The following HAS3 variants were observed in gnomAD, a reference collection of about 807,000 sequenced individuals.
The protein encoded by HAS3 is HA synthase 3.
HAS3 carries 27 observed loss-of-function variants against 50.3 expected under a neutral mutation model. The observed-to-expected ratio is 0.54, with a 90% CI of 0.40 to 0.74. The LOEUF is 0.74. Among genes scored for constraint, HAS3 ranks in the 30% least tolerant of loss-of-function variants. HAS3 has a pLI of 0.00. For missense variants in HAS3, 517 were observed against 742.8 expected (o/e 0.70, Z 3.53); for synonymous variants, 339 against 310.9 (o/e 1.09, Z -0.95).
chr16:69,092,635 G>A, the HAS3 span, among the ~76,000 whole-genome samples: 2 of 148,462 alleles, frequency 1.3e-5, no homozygotes, highest in Non-Finnish European at 3.0e-5. Context: ...TTCCCTGCTT[G>A]TTTAAATGGA....
chr16:69,096,060 C>G, the HAS3 span, among the ~76,000 whole-genome samples: 1 of 146,882 alleles, frequency 6.8e-6, no homozygotes, highest in Non-Finnish European at 1.5e-5. Context: ...ACTAAAAATA[C>G]AAAAAATTAG....
Position 69,115,442 on chromosome 16 carries a change from A to C in HAS3, c.*176A>C, listed in dbSNP as rs924992575. ...GTAGTATGGCCTGACAGCTCTGTTT[A>C]GAGGAGGCAACACTGATCCCCCAGA... On this transcript the variant is annotated 3_prime_UTR_variant, in exon 4 of 4. Transcript: ENST00000569188. 1 of 1,333,970 alleles carries C rather than the reference A, an allele frequency of 7.5e-7. No individual in the cohort carries two copies. The highest frequency in any genetic ancestry group is 1.5e-5 in the African/African-American group (1 of 67,948). 82.6% of individuals were successfully genotyped at this position (1,333,970 alleles called of 1,614,324 possible).
chr16:69,103,561 A>G (rs1394355026), upstream of HAS3, among the ~76,000 whole-genome samples: 8 of 151,826 alleles, frequency 5.3e-5, no homozygotes, highest in Admixed American at 5.2e-4. Flanking sequence ...ACACCTGGAT[A>G]ATTTTTTGTA....
rs1960926839 is a variant in HAS3, at chr16:69,109,643, G to A, written c.248G>A (p.Arg83Gln). Reference sequence around the variant, plus strand: ...CAGGCCCTGAAGCTGCCCTCCCCGCGGCGGGGCTCGGTGGCACTGTGCATT... The same window carrying A: ...CAGGCCCTGAAGCTGCCCTCCCCGCAGCGGGGCTCGGTGGCACTGTGCATT... ...AGQALKLPSP[R>Q]RGSVALCIAA... The change falls in exon 2 of 4, where the codon CGG becomes CAG. Residue 83 changes from arginine to glutamine, a missense_variant. Physicochemically the swap from Arg to Gln is conservative, Grantham distance 43. Transcript: ENST00000569188. This position sits in a 1 kb window ranked among gnomAD's most constrained non-coding sequence, Gnocchi z 5.3. 1.1e-5 allele frequency: 17 copies of A among 1,610,048 alleles called. No homozygotes were observed. Among genetic ancestry groups the A allele is most frequent in the African/African-American group, 5.3e-5 (4 of 74,930 alleles).
rs1416492527 is a variant in HAS3, at chr16:69,109,074, C to G, written c.1-322C>G. ...CACCCACCAGCCAGATGTCACGTGA[C>G]CCTCTGGGCCTTGGCTTGTCTACCC... On this transcript the variant is annotated intron_variant, in intron 1 of 3. Coordinates refer to ENST00000569188, the MANE Select transcript of HAS3 (RefSeq NM_001199280.2). The surrounding 1 kb of genome is among the most constrained non-coding windows in gnomAD (Gnocchi z 5.3). Among the ~76,000 whole-genome samples the G allele has an allele frequency of 6.6e-6, 1 of 152,162 alleles. No homozygotes were observed. The highest frequency in any genetic ancestry group is 2.4e-5 in the African/African-American group (1 of 41,434).
In HAS3 at chr16:69,109,680, G is replaced by A. The variant is rs900613653; in HGVS notation, c.285G>A (p.Gln95=). The A allele has an allele frequency of 2.5e-6, 4 of 1,610,122 alleles. No individual in the cohort carries two copies. The South Asian group carries it at 3.3e-5, about 13-fold the overall frequency. The stretch of plus-strand genomic sequence containing the variant: ...TGGCACTGTGCATTGCCGCATACCA[G>A]GAGGACCCTGACTACTTGCGCAAGT... ...GSVALCIAAY[Q]EDPDYLRKCL... The change falls in exon 2 of 4, where the codon CAG becomes CAA. Residue 95 remains glutamine, a synonymous_variant. Coordinates refer to ENST00000569188, the MANE Select transcript of HAS3 (RefSeq NM_001199280.2). This position sits in a 1 kb window ranked among gnomAD's most constrained non-coding sequence, Gnocchi z 5.3.
chr16:69,088,994 A>G, the HAS3 span, among the ~76,000 whole-genome samples: 3 of 152,178 alleles, frequency 2.0e-5, no homozygotes, highest in Non-Finnish European at 4.4e-5. Context: ...AAAAGGAAGC[A>G]GTGATCCCCA....
chr16:69,090,879 A>T, the HAS3 span, among the ~76,000 whole-genome samples: 7 of 152,132 alleles, frequency 4.6e-5, no homozygotes, highest in Non-Finnish European at 7.4e-5. Flanking sequence ...AGCACGATAC[A>T]TATTAATTCC....
upstream of HAS3, among the ~76,000 whole-genome samples, chr16:69,103,845 T>G (rs1960721559): frequency 6.6e-6 from 1 of 152,174 alleles, no homozygotes; most frequent in Non-Finnish European, 1.5e-5. Flanking sequence ...TCAGCCAATC[T>G]CTTCAAACTT....
the HAS3 span, among the ~76,000 whole-genome samples, chr16:69,098,665 T>TA: frequency 7.3e-6 from 1 of 137,248 alleles, no homozygotes; most frequent in African/African-American, 2.7e-5. Context: ...AAACCTGATT[T>TA]TTTTTTTTTT....
chr16:69,113,718 CTCT>C (rs988500677), intron 3 of HAS3, among the ~76,000 whole-genome samples, 176 bp downstream of exon 3: 4 of 152,172 alleles, frequency 2.6e-5, no homozygotes, highest in East Asian at 1.9e-4. Context: ...CCCTTTCTTG[CTCT>C]TCTTCCACAT....
chr16:69,114,711 T>C lies in HAS3; in HGVS notation c.1107T>C (p.Ser369=), dbSNP rs1480045287. The part of the protein sequence containing the change: ...KSYFREWLYN[S]LWFHKHHLWM... ...ACTTCCGGGAGTGGCTCTACAACTC[T>C]CTGTGGTTCCATAAGCACCACCTCT... The change falls in exon 4 of 4, where the codon TCT becomes TCC. Residue 369 remains serine, a synonymous_variant. Coordinates refer to ENST00000569188, the MANE Select transcript of HAS3 (RefSeq NM_001199280.2). This position sits in a 1 kb window ranked among gnomAD's most constrained non-coding sequence, Gnocchi z 6.4. 6.2e-7 allele frequency: 1 copy of C among 1,614,084 alleles called. No individual in the cohort carries two copies. Among genetic ancestry groups the C allele is most frequent in the Non-Finnish European group, 8.5e-7 (1 of 1,179,998 alleles).
chr16:69,097,105 T>C, the HAS3 span, among the ~76,000 whole-genome samples: 1 of 151,966 alleles, frequency 6.6e-6, no homozygotes, highest in African/African-American at 2.4e-5. Flanking sequence ...TGAGCCGTGA[T>C]TGCACCACTG....
the HAS3 span, among the ~76,000 whole-genome samples, chr16:69,096,477 C>G: frequency 7.4e-6 from 1 of 135,388 alleles, no homozygotes; most frequent in Non-Finnish European, 1.5e-5. Flanking sequence ...CGGAGGTTGC[C>G]GTGAGCAAAG....
chr16:69,114,109 G>A lies in HAS3; in HGVS notation c.739-234G>A, dbSNP rs753629005. 6.6e-6 allele frequency among the ~76,000 whole-genome samples: 1 copy of A among 152,198 alleles called. No homozygotes were observed. Among genetic ancestry groups the A allele is most frequent in the Non-Finnish European group, 1.5e-5 (1 of 68,034 alleles). On this transcript the variant is annotated intron_variant, in intron 3 of 3. Coordinates refer to ENST00000569188, the MANE Select transcript of HAS3 (RefSeq NM_001199280.2). The surrounding 1 kb of genome is among the most constrained non-coding windows in gnomAD (Gnocchi z 6.4). ...GCTTTGACTGCTAGAGCCACTTAGT[G>A]GGGAAAATCTCTGCAGATAAGATGA...
chr16:69,084,414 C>T, the HAS3 span: 1 of 152,282 alleles, frequency 6.6e-6, no homozygotes, highest in Admixed American at 6.5e-5. Context: ...GAGAAAAGAA[C>T]CACGAGCATC....
downstream of HAS3, chr16:69,118,249 C>G (rs1167042027): frequency 2.7e-6 from 2 of 749,530 alleles, no homozygotes; most frequent in Non-Finnish European, 2.4e-6. Flanking sequence ...CTGGCCACCT[C>G]TAAGTCCCAG....
chr16:69,104,296 T>C (rs977027835), upstream of HAS3, among the ~76,000 whole-genome samples: 14 of 151,258 alleles, frequency 9.3e-5, no homozygotes, highest in African/African-American at 3.4e-4. Context: ...TTTTCTTTTT[T>C]TTTTTATTTT....
chr16:69,113,691 C>T (rs1433255755), intron 3 of HAS3, 149 bp downstream of exon 3: 2 of 595,084 alleles, frequency 3.4e-6, no homozygotes, highest in African/African-American at 1.9e-5. Context: ...AAGAGCTCGC[C>T]CCCCTCACTG....
Sources: allele counts gnomAD v4.1 joint callset (sites outside exome capture counted in the v4.1 genomes callset), GRCh38; gene constraint gnomAD v4.1.1; non-coding constraint Gnocchi (gnomAD v3.1); transcripts MANE v1.5; gene names NCBI Gene and HGNC (gene_info 2026-07-23, HGNC 2026-07-21).